Variants in ATP10A observed in about 807,000 individuals in gnomAD.
ATP10A encodes ATPase phospholipid transporting 10A (putative).
In ATP10A, 111 loss-of-function variants were observed where a neutral mutation model predicts 147.8. The ratio of observed to expected loss-of-function variants is 0.75; its 90% confidence interval spans 0.64 to 0.88. ATP10A has a LOEUF of 0.88. Ranked by LOEUF, ATP10A falls within the 40% of genes least tolerant of loss-of-function variation. The pLI, the probability that ATP10A is intolerant of heterozygous loss-of-function variation, is 0.00. For missense variants in ATP10A, 1,927 were observed against 1,959.0 expected, an observed-to-expected ratio of 0.98 and a Z score of 0.31; for synonymous variants, 875 against 841.6, an observed-to-expected ratio of 1.04 and a Z score of -0.69.
intron 9 of ATP10A, 24 bp from the exon 10 acceptor site, chr15:25,714,265 C>T (rs368882325): frequency 3.1e-6 from 5 of 1,597,050 alleles, no homozygotes; most frequent in Non-Finnish European, 4.2e-6. Flanking sequence ...GGTCAGAAGG[C>T]AGGTGAGGGA....
chr15:25,687,077 C>T (rs539786675), intron 16 of ATP10A, among the ~76,000 whole-genome samples: 1 of 107,760 alleles, frequency 9.3e-6, no homozygotes, highest in South Asian at 3.1e-4. Context: ...CCTGCTGGGT[C>T]TGAGCCTCCC....
At chr15:25,804,782 A>G (rs558668430) in intron 1 of ATP10A, among the ~76,000 whole-genome samples, 1 of 152,210 alleles carries the variant, frequency 6.6e-6, no homozygotes, top group Non-Finnish European at 1.5e-5. Context: ...TTCCAGCACA[A>G]AGTAGGCCTT....
intron 2 of ATP10A, among the ~76,000 whole-genome samples, chr15:25,757,482 A>G (rs1161581786): frequency 6.6e-6 from 1 of 152,172 alleles, no homozygotes; most frequent in Non-Finnish European, 1.5e-5. Context: ...AGAAGGATAT[A>G]TTTTATGTTA....
intron 12 of ATP10A, 97 bp downstream of exon 12, chr15:25,707,879 G>A (rs1901134565): frequency 6.6e-7 from 1 of 1,515,206 alleles, no homozygotes; most frequent in East Asian, 2.4e-5. Flanking sequence ...ACCAAGGCCA[G>A]CCTGCGGAGC....
intron 10 of ATP10A, among the ~76,000 whole-genome samples, chr15:25,713,282 C>A (rs1901554457): frequency 6.6e-6 from 1 of 152,196 alleles, no homozygotes; most frequent in South Asian, 2.1e-4. Flanking sequence ...TTCCTGGGCC[C>A]CCACTGTGGC....
intron 12 of ATP10A, among the ~76,000 whole-genome samples, chr15:25,704,042 C>T (rs904728604): frequency 3.3e-5 from 5 of 152,202 alleles, no homozygotes; most frequent in Non-Finnish European, 5.9e-5. Flanking sequence ...CCCAGCCACC[C>T]GGGCACCGGG....
chr15:25,688,068 G>A (rs150328160), intron 15 of ATP10A: 65 of 540,374 alleles, frequency 1.2e-4, no homozygotes, highest in African/African-American at 1.1e-3. Flanking sequence ...ATTCATTTAC[G>A]CTTTCAAATA....
At chr15:25,741,145 C>T (rs1283434977) in intron 2 of ATP10A, among the ~76,000 whole-genome samples, 1 of 152,242 alleles carries the variant, frequency 6.6e-6, no homozygotes, top group Admixed American at 6.5e-5. Flanking sequence ...GTGGCTGGAG[C>T]TGGCTCCCAT....
chr15:25,694,741 C>T (rs573874914), intron 14 of ATP10A, 78 bp downstream of exon 14: 5 of 1,280,706 alleles, frequency 3.9e-6, no homozygotes, highest in East Asian at 4.8e-5. Flanking sequence ...GTTTTCCCAT[C>T]TCGTGGTGTA....
At chr15:25,717,040 TC>T in intron 8 of ATP10A, 116 bp from the exon 9 acceptor site, 3 of 666,092 alleles carry the variant, frequency 4.5e-6, no homozygotes, top group Non-Finnish European at 6.8e-6. Flanking sequence ...ACTTCATCTC[TC>T]ATATACATAT....
intron 7 of ATP10A, 32 bp from the exon 8 acceptor site, chr15:25,718,431 T>TG (rs1196959609): frequency 6.4e-7 from 1 of 1,558,710 alleles, no homozygotes; most frequent in Non-Finnish European, 8.6e-7. Context: ...TGAGGCATCA[T>TG]GGGGGAAGGC....
chr15:25,672,734 A>G (rs998113460), downstream of ATP10A, among the ~76,000 whole-genome samples: 1 of 152,126 alleles, frequency 6.6e-6, no homozygotes, highest in Non-Finnish European at 1.5e-5. Context: ...TTCTCTATTG[A>G]TTAGTGATGT....
At chr15:25,698,056 G>A (rs1035692531) in intron 13 of ATP10A, among the ~76,000 whole-genome samples, 1 of 151,930 alleles carries the variant, frequency 6.6e-6, no homozygotes, top group African/African-American at 2.4e-5. Context: ...AAGGAGGCAT[G>A]ATGACAAAAT....
chr15:25,693,184 G>A (rs1207297424), intron 14 of ATP10A, among the ~76,000 whole-genome samples: 1 of 151,990 alleles, frequency 6.6e-6, no homozygotes, highest in Non-Finnish European at 1.5e-5. Context: ...ACCACACACA[G>A]CTAATTTTTT....
chr15:25,702,576 A>G (rs1305020682), intron 12 of ATP10A, among the ~76,000 whole-genome samples: 1 of 152,190 alleles, frequency 6.6e-6, no homozygotes, highest in East Asian at 1.9e-4. Flanking sequence ...GCTTATTACT[A>G]GTCACTATAG....
Position 25,679,975 on chromosome 15 carries a change from C to T in ATP10A, c.3867-1G>A. 1.3e-6 allele frequency: 2 copies of T among 1,590,582 alleles called. No homozygotes were observed. The highest frequency in any genetic ancestry group is 1.7e-6 in the Non-Finnish European group (2 of 1,164,088). On this transcript the variant is annotated splice_acceptor_variant, in intron 20 of 20. Transcript: ENST00000555815. LOFTEE classifies it high-confidence loss of function. Reference sequence around the variant, plus strand: ...CCCCTGGAGGGATCTGAAAAACAATCTAGAAAAAGTACATTAAAACAAAAA... The same window carrying T: ...CCCCTGGAGGGATCTGAAAAACAATTTAGAAAAAGTACATTAAAACAAAAA...
intron 1 of ATP10A, chr15:25,848,725 C>T (rs1031916606): frequency 6.5e-5 from 10 of 153,988 alleles, no homozygotes; most frequent in African/African-American, 2.4e-4. Context: ...AGAATAATCT[C>T]CCCATCTTTT....
chr15:25,733,794 G>A (rs1037315052), intron 3 of ATP10A, among the ~76,000 whole-genome samples: 1 of 152,228 alleles, frequency 6.6e-6, no homozygotes, highest in South Asian at 2.1e-4. Flanking sequence ...GAGACAACAC[G>A]ACATGACTGA....
chr15:25,753,653 G>T (rs569159815), intron 2 of ATP10A, among the ~76,000 whole-genome samples: 1 of 151,656 alleles, frequency 6.6e-6, no homozygotes, highest in African/African-American at 2.4e-5. Flanking sequence ...AAGCTCCCAA[G>T]AATATGGCTG....
Sources: allele counts gnomAD v4.1 joint callset (sites outside exome capture counted in the v4.1 genomes callset), GRCh38; gene constraint gnomAD v4.1.1; transcripts MANE v1.5; gene names NCBI Gene and HGNC (gene_info 2026-07-23, HGNC 2026-07-21).